The following STXBP5L variants were observed in gnomAD, a reference collection of about 807,000 sequenced individuals.
The protein encoded by STXBP5L is syntaxin binding protein 5L.
STXBP5L carries 65 observed loss-of-function variants against 144.5 expected under a neutral mutation model. The observed-to-expected ratio is 0.45, with a 90% CI of 0.37 to 0.55. The LOEUF (loss-of-function observed/expected upper bound fraction) is 0.55, where lower values mean the gene tolerates loss of function less well. Ranked by LOEUF, STXBP5L falls within the 20% of genes least tolerant of loss-of-function variation. The probability of loss-of-function intolerance (pLI) is 0.00; values close to 1 mark genes in which losing one functional copy is unlikely to be tolerated. For missense variants in STXBP5L, 1,298 were observed against 1,405.5 expected, an observed-to-expected ratio of 0.92 and a Z score of 1.22; for synonymous variants, 505 against 469.6, an observed-to-expected ratio of 1.08 and a Z score of -0.97.
At chr3:121,331,269 G>T (rs74863753) in intron 20 of STXBP5L, among the ~76,000 whole-genome samples, 2,473 of 152,290 alleles carry the variant, frequency 0.016, 63 homozygotes, top group African/African-American at 0.056. Context: ...CAGTCAGGCA[G>T]CCCGGGTGCT....
chr3:121,018,660 A>G (rs1945316707), intron 3 of STXBP5L, among the ~76,000 whole-genome samples: 1 of 152,170 alleles, frequency 6.6e-6, no homozygotes, highest in East Asian at 1.9e-4. Context: ...AACCTAGGTG[A>G]TGTGGCTTTT....
chr3:121,020,569 A>C (rs1365413802), intron 3 of STXBP5L, among the ~76,000 whole-genome samples: 1 of 152,242 alleles, frequency 6.6e-6, no homozygotes, highest in East Asian at 1.9e-4. Context: ...ATTTCTCAGC[A>C]GAAACCATAC....
At chr3:120,962,636 ATC>A (rs1340240974) in intron 3 of STXBP5L, among the ~76,000 whole-genome samples, 2 of 152,112 alleles carry the variant, frequency 1.3e-5, no homozygotes, top group Non-Finnish European at 2.9e-5. Context: ...ATTGATCTAT[ATC>A]TCTGTTTTGG....
At chr3:120,999,148 G>T (rs1943577477) in intron 3 of STXBP5L, among the ~76,000 whole-genome samples, 1 of 152,120 alleles carries the variant, frequency 6.6e-6, no homozygotes, top group African/African-American at 2.4e-5. Flanking sequence ...TTCCTCCCGG[G>T]TTCAAGTGAT....
At chr3:120,968,447 A>G (rs1308474496) in intron 3 of STXBP5L, among the ~76,000 whole-genome samples, 1 of 152,060 alleles carries the variant, frequency 6.6e-6, no homozygotes, top group Non-Finnish European at 1.5e-5. Context: ...TTCCATTTGC[A>G]TGTAATATCT....
chr3:121,088,101 T>G (rs1355197096), intron 5 of STXBP5L, among the ~76,000 whole-genome samples: 2 of 151,642 alleles, frequency 1.3e-5, no homozygotes, highest in Non-Finnish European at 2.9e-5. Flanking sequence ...GGGATCTAAT[T>G]AAACTAAAGA....
At chr3:121,130,995 C>T (rs16832125) in intron 7 of STXBP5L, among the ~76,000 whole-genome samples, 6 of 151,594 alleles carry the variant, frequency 4.0e-5, no homozygotes, top group Admixed American at 3.3e-4. Flanking sequence ...GCTAGAAAAA[C>T]GATTAAGAAA....
chr3:121,282,443 GC>G, intron 19 of STXBP5L: 1 of 1,033,858 alleles, frequency 9.7e-7, no homozygotes, highest in Non-Finnish European at 1.4e-6. Flanking sequence ...CATTCAGCAT[GC>G]ATGCAAATTT....
chr3:121,060,147 T>A (rs1332203287), intron 5 of STXBP5L, among the ~76,000 whole-genome samples: 1 of 152,226 alleles, frequency 6.6e-6, no homozygotes, highest in Non-Finnish European at 1.5e-5. Flanking sequence ...ATACGTTCCA[T>A]CAGTACCTAG....
At chr3:121,370,909 T>C (rs919666174) in intron 20 of STXBP5L, among the ~76,000 whole-genome samples, 1 of 152,220 alleles carries the variant, frequency 6.6e-6, no homozygotes, top group African/African-American at 2.4e-5. Context: ...GCTCCTGTAT[T>C]ATTTTATTGT....
At chr3:121,105,625 C>T (rs910598751) in intron 5 of STXBP5L, among the ~76,000 whole-genome samples, 4 of 151,958 alleles carry the variant, frequency 2.6e-5, no homozygotes, top group African/African-American at 9.7e-5. Flanking sequence ...ACTACTACAA[C>T]CACTCTGGTA....
chr3:121,365,945 G>A (rs575589930), intron 20 of STXBP5L, among the ~76,000 whole-genome samples: 1 of 151,530 alleles, frequency 6.6e-6, no homozygotes, highest in Non-Finnish European at 1.5e-5. Context: ...TATCTTATAT[G>A]TTTTTGGTAT....
intron 3 of STXBP5L, among the ~76,000 whole-genome samples, chr3:120,963,554 G>A (rs879068696): frequency 6.6e-6 from 1 of 152,164 alleles, no homozygotes; most frequent in Non-Finnish European, 1.5e-5. Flanking sequence ...CATTTGTTCT[G>A]TTTATTTGAT....
intron 5 of STXBP5L, among the ~76,000 whole-genome samples, chr3:121,052,174 C>A (rs1386728155): frequency 6.6e-6 from 1 of 152,184 alleles, no homozygotes; most frequent in East Asian, 1.9e-4. Flanking sequence ...TGGTACCATT[C>A]CTTCTGAAAC....
intron 3 of STXBP5L, among the ~76,000 whole-genome samples, chr3:120,961,818 T>C (rs1203215890): frequency 1.3e-5 from 2 of 152,226 alleles, no homozygotes; most frequent in Non-Finnish European, 2.9e-5. Context: ...CAAAAGGTAC[T>C]TGTAGTTCTA....
intron 20 of STXBP5L, among the ~76,000 whole-genome samples, chr3:121,368,376 C>T (rs1560027607): frequency 1.3e-5 from 2 of 151,676 alleles, no homozygotes; most frequent in South Asian, 2.1e-4. Flanking sequence ...GTTCATACAT[C>T]CTTTACTTGA....
At chr3:121,011,397 A>G (rs1025659455) in intron 3 of STXBP5L, among the ~76,000 whole-genome samples, 3 of 151,598 alleles carry the variant, frequency 2.0e-5, no homozygotes, top group African/African-American at 7.3e-5. Flanking sequence ...TTTTATAGCA[A>G]GGACAATATT....
chr3:121,147,352 C>G (rs74280559), intron 7 of STXBP5L, among the ~76,000 whole-genome samples: 18,252 of 152,070 alleles, frequency 0.12, 1,155 homozygotes, highest in Non-Finnish European at 0.14. Context: ...TACTACACTT[C>G]TGAATAGCTT....
At chr3:121,245,457 C>A (rs1427638386) in intron 14 of STXBP5L, among the ~76,000 whole-genome samples, 3 of 151,334 alleles carry the variant, frequency 2.0e-5, no homozygotes, top group Non-Finnish European at 2.9e-5. Flanking sequence ...TTATTCTGTA[C>A]CAATAATTAT....
Sources: gnomAD v4.1 joint callset for allele counts (sites outside exome capture counted in the v4.1 genomes callset) on GRCh38, gnomAD v4.1.1 for gene constraint, MANE v1.5 for transcripts, NCBI Gene and HGNC (gene_info 2026-07-23, HGNC 2026-07-21) for gene names.